Variants in ZBBX observed in about 807,000 individuals in gnomAD.
The protein encoded by ZBBX is zinc finger B-box domain-containing protein 1.
A neutral mutation model predicts 108.5 loss-of-function variants in ZBBX; 101 were observed. The ratio of observed to expected loss-of-function variants is 0.93; its 90% CI spans 0.79 to 1.10. The LOEUF is 1.10. Ranked by LOEUF, ZBBX falls within the 50% of genes least tolerant of loss-of-function variation. ZBBX has a pLI of 0.00. For missense variants in ZBBX, 1,009 were observed against 941.4 expected (o/e 1.07, Z -0.94); for synonymous variants, 356 against 323.4 (o/e 1.10, Z -1.08).
chr3:167,268,052 G>A (rs1725874201), intron 20 of ZBBX, among the ~76,000 whole-genome samples: 2 of 152,026 alleles, frequency 1.3e-5, no homozygotes, highest in Non-Finnish European at 2.9e-5. Flanking sequence ...ACATGAAGTA[G>A]AACAATGTAA....
At chr3:167,325,398 C>T (rs1252943249) in intron 11 of ZBBX, among the ~76,000 whole-genome samples, 3 of 152,024 alleles carry the variant, frequency 2.0e-5, no homozygotes, top group Non-Finnish European at 2.9e-5. Context: ...TTTATAAAAC[C>T]ATCATATCTT....
intron 4 of ZBBX, among the ~76,000 whole-genome samples, chr3:167,370,285 T>G (rs964971224): frequency 6.6e-6 from 1 of 152,188 alleles, no homozygotes; most frequent in Non-Finnish European, 1.5e-5. Flanking sequence ...AGTTGGAAAC[T>G]GACCAGAAGT....
the ZBBX span, among the ~76,000 whole-genome samples, chr3:167,184,947 A>G: frequency 1.3e-5 from 2 of 152,218 alleles, no homozygotes; most frequent in Non-Finnish European, 2.9e-5. Flanking sequence ...GTAGCTTCAT[A>G]AAATGTTACA....
intron 19 of ZBBX, among the ~76,000 whole-genome samples, chr3:167,287,410 T>A (rs1729899492): frequency 6.6e-6 from 1 of 152,068 alleles, no homozygotes; most frequent in Admixed American, 6.6e-5. Context: ...TCCCTAAGAG[T>A]CAGATCCAGA....
At chr3:167,248,684 C>G (rs1722028315) in intron 20 of ZBBX, 1 of 456,486 alleles carries the variant, frequency 2.2e-6, no homozygotes, top group Non-Finnish European at 4.4e-6. Flanking sequence ...GGATTCAAAG[C>G]CAGGCAACAG....
In ZBBX at chr3:167,276,115, A is replaced by G. The variant is rs573999694; in HGVS notation, c.2254+6123T>C. ...AACAAACAGAAAGGACATCCACACC[A>G]AAAACCCATCTGTACATCACCATCA... On this transcript the variant is annotated intron_variant, in intron 20 of 21. Transcript: ENST00000675490. Among the ~76,000 whole-genome samples, 960 of 152,136 alleles carry G rather than the reference A, an allele frequency of 6.3e-3. 6 individuals carry two copies. Among genetic ancestry groups the G allele is most frequent in the Non-Finnish European group, 8.3e-3 (562 of 67,920 alleles).
chr3:167,240,831 G>T lies in ZBBX; in HGVS notation c.2482C>A (p.Gln828Lys). 6.2e-7 allele frequency: 1 copy of T among 1,613,524 alleles called. No homozygotes were observed. Among genetic ancestry groups the T allele is most frequent in the Non-Finnish European group, 8.5e-7 (1 of 1,179,564 alleles). ...GACCACGGTAGTGTGATGACATGTT[G>T]CTTGTTGAGAAAATCTTCCTCCTCC... ...DEEEEDFLNK[Q>K]HVITLPWSKS... is the part of the protein sequence containing the mutation. The change falls in exon 22 of 22, where the codon CAA (glutamine) becomes AAA (lysine). Residue 828 changes from glutamine to lysine, a missense_variant. Physicochemically the swap from Gln to Lys is moderately conservative, Grantham distance 53 (BLOSUM62 1). Transcript: ENST00000675490.
chr3:167,323,232 TAA>T (rs1329868586), intron 11 of ZBBX, among the ~76,000 whole-genome samples: 2 of 10,270 alleles, frequency 1.9e-4, no homozygotes, highest in East Asian at 6.2e-3. Flanking sequence ...ACAGGAGAGC[TAA>T]AAGAGGGGGG....
intron 1 of ZBBX, among the ~76,000 whole-genome samples, 170 bp downstream of exon 1, chr3:167,380,077 G>A (rs1055106029): frequency 8.5e-5 from 13 of 152,140 alleles, no homozygotes; most frequent in African/African-American, 3.1e-4. Flanking sequence ...TATGGCAGGG[G>A]CTCAGCAAAC....
intron 9 of ZBBX, among the ~76,000 whole-genome samples, chr3:167,338,951 T>C (rs1202920272): frequency 6.6e-6 from 1 of 152,108 alleles, no homozygotes; most frequent in Non-Finnish European, 1.5e-5. Context: ...TTTAAAATTG[T>C]TATATATATT....
At chr3:167,296,503 T>C (rs7624001) in intron 18 of ZBBX, among the ~76,000 whole-genome samples, 60,395 of 151,796 alleles carry the variant, frequency 0.4, 12,203 homozygotes, top group Non-Finnish European at 0.43. Flanking sequence ...CACAAAAATA[T>C]GTTAGAATAA....
chr3:167,367,792 G>T (rs918496383), intron 5 of ZBBX, among the ~76,000 whole-genome samples: 1 of 150,970 alleles, frequency 6.6e-6, no homozygotes, highest in Non-Finnish European at 1.5e-5. Context: ...ATAATTATTA[G>T]TTCTGTTTGT....
intron 20 of ZBBX, among the ~76,000 whole-genome samples, chr3:167,272,777 A>G (rs1414179021): frequency 3.3e-5 from 5 of 152,006 alleles, no homozygotes; most frequent in African/African-American, 4.8e-5. Flanking sequence ...CCCTACCAAG[A>G]CTCTTGTTCC....
At chr3:167,293,379 G>T (rs1046482926) in intron 18 of ZBBX, among the ~76,000 whole-genome samples, 1 of 152,180 alleles carries the variant, frequency 6.6e-6, no homozygotes, top group African/African-American at 2.4e-5. Flanking sequence ...TGGATGCAAG[G>T]CTGGTTCAAC....
chr3:167,195,819 A>G, the ZBBX span, among the ~76,000 whole-genome samples: 1 of 152,222 alleles, frequency 6.6e-6, no homozygotes, highest in Non-Finnish European at 1.5e-5. Flanking sequence ...TAAACTAATC[A>G]AAAACTGTCA....
the ZBBX span, among the ~76,000 whole-genome samples, chr3:167,209,830 C>T: frequency 6.6e-6 from 1 of 152,320 alleles, no homozygotes; most frequent in South Asian, 2.1e-4. Flanking sequence ...TGGCTCACAC[C>T]TGTAATCCCA....
At chr3:167,354,978 G>C (rs1743288509) in intron 8 of ZBBX, among the ~76,000 whole-genome samples, 1 of 151,904 alleles carries the variant, frequency 6.6e-6, no homozygotes, top group African/African-American at 2.4e-5. Flanking sequence ...TTTTTAGGCA[G>C]TTTGTACAAC....
chr3:167,292,441 C>T (rs563476075), intron 18 of ZBBX, among the ~76,000 whole-genome samples: 1 of 152,264 alleles, frequency 6.6e-6, no homozygotes, highest in African/African-American at 2.4e-5. Context: ...CAACCTGCTC[C>T]TGAATGACTC....
chr3:167,191,928 T>TAGAGAGAGAGAGAG, the ZBBX span, among the ~76,000 whole-genome samples: 66 of 125,768 alleles, frequency 5.2e-4, no homozygotes, highest in African/African-American at 2.2e-3. Context: ...TATATATATA[T>TAGAGAGAGAGAGAG]ATATATAGAG....
Sources: allele counts gnomAD v4.1 joint callset (sites outside exome capture counted in the v4.1 genomes callset), GRCh38; gene constraint gnomAD v4.1.1; transcripts MANE v1.5; gene names NCBI Gene and HGNC (gene_info 2026-07-23, HGNC 2026-07-21).